The following IL18R1 variants were observed in gnomAD, a reference collection of about 807,000 sequenced individuals.
IL18R1 encodes interleukin 18 receptor 1, also known as interleukin-18 receptor 1.
In IL18R1, 40 loss-of-function variants were observed where a neutral mutation model predicts 48.5. That is an observed-to-expected ratio of 0.82 (90% CI 0.64 to 1.07). IL18R1 has a LOEUF of 1.07. Ranked by LOEUF, IL18R1 falls within the 50% of genes least tolerant of loss-of-function variation. The pLI is 0.00. For missense variants in IL18R1, 596 were observed against 633.7 expected, an observed-to-expected ratio of 0.94 and a Z score of 0.64; for synonymous variants, 232 against 225.9, an observed-to-expected ratio of 1.03 and a Z score of -0.24.
At position 102,387,015 on chromosome 2, in the gene IL18R1, T is replaced by A. The variant is rs754752327; in HGVS notation, c.949+15T>A. On this transcript the variant is annotated intron_variant, in intron 8 of 10. Transcript: ENST00000233957. ...GGTGAGAAAAGGTGAGAAAGATTTA[T>A]TTTTGGAAGTTTTGAAACTTAGCTC... The A allele has an allele frequency of 1.2e-6, 2 of 1,607,104 alleles. No homozygotes were observed. The highest frequency in any genetic ancestry group is 2.7e-5 in the African/African-American group (2 of 74,202).
intron 6 of IL18R1, among the ~76,000 whole-genome samples, chr2:102,382,239 T>C (rs1679962456): frequency 6.6e-6 from 1 of 151,992 alleles, no homozygotes; most frequent in South Asian, 2.1e-4. Context: ...ACCACTGCAC[T>C]CCAGCCTGGG....
Position 102,396,565 on chromosome 2 carries a change from A to G in IL18R1, c.1305A>G (p.Lys435=). ...VVDEIHSLIE[K]SRRLIIVLSK... ...ATGAAATCCACTCACTGATAGAGAA[A>G]AGCCGAAGACTAATCATTGTCCTAA... The change falls in exon 11 of 11, where the codon AAA becomes AAG. Residue 435 remains lysine (K), a synonymous_variant. Transcript: ENST00000233957. 1.2e-6 allele frequency: 2 copies of G among 1,606,710 alleles called. No homozygotes were observed. Among genetic ancestry groups the G allele is most frequent in the Non-Finnish European group, 1.7e-6 (2 of 1,177,210 alleles).
chr2:102,366,279 A>C (rs1678893975), intron 2 of IL18R1, among the ~76,000 whole-genome samples: 1 of 152,212 alleles, frequency 6.6e-6, no homozygotes, highest in South Asian at 2.1e-4. Flanking sequence ...TCTCTAGGAC[A>C]AGGGCAAAAT....
intron 1 of IL18R1, among the ~76,000 whole-genome samples, chr2:102,358,327 C>T (rs542368821): frequency 1.1e-4 from 16 of 152,198 alleles, no homozygotes; most frequent in Non-Finnish European, 1.6e-4. Context: ...TTTGGACCCT[C>T]TGGAAGGGCT....
intron 1 of IL18R1, among the ~76,000 whole-genome samples, chr2:102,362,396 G>A (rs1458720265): frequency 6.6e-6 from 1 of 152,180 alleles, no homozygotes; most frequent in Non-Finnish European, 1.5e-5. Flanking sequence ...AGACTCTGTT[G>A]TATCAGAGAA....
At chr2:102,358,166 A>G (rs1678362393) in intron 1 of IL18R1, among the ~76,000 whole-genome samples, 1 of 151,858 alleles carries the variant, frequency 6.6e-6, no homozygotes, top group African/African-American at 2.4e-5. Flanking sequence ...CACTTCCTCA[A>G]ATCTCAGGTT....
Position 102,397,041 on chromosome 2 carries a change from A to G in IL18R1, c.*155A>G. ...GAAACTTGTCATTAGGTTGGCGGGA[A>G]TGAGACTAAAGATTGCGCTGTGGGC... On this transcript the variant is annotated 3_prime_UTR_variant, in exon 11 of 11. Coordinates refer to ENST00000233957, the MANE Select transcript of IL18R1 (RefSeq NM_003855.5). 1 of 595,902 alleles carries G rather than the reference A, an allele frequency of 1.7e-6. No individual in the cohort carries two copies. The highest frequency in any genetic ancestry group is 2.9e-6 in the Non-Finnish European group (1 of 340,088). The allele number at this position is 595,902 out of a possible 1,614,324, so 36.9% of individuals were successfully genotyped here. A position where few individuals can be genotyped will look rare whatever the true frequency, so the allele number is the denominator to read the frequency against.
At chr2:102,394,243 CTG>C (rs1367681637) in intron 9 of IL18R1, among the ~76,000 whole-genome samples, 2 of 152,014 alleles carry the variant, frequency 1.3e-5, no homozygotes, top group Non-Finnish European at 2.9e-5. Flanking sequence ...TCATATATCT[CTG>C]TATTCTTCTG....
rs772155555 is a variant in IL18R1 at position 102,390,218 on chromosome 2, G to GTAACACATAT, written c.1111+2_1111+11dup. The GTAACACATAT allele has an allele frequency of 3.1e-6, 5 of 1,612,702 alleles. No individual in the cohort carries two copies. In the African/African-American group the frequency reaches 6.7e-5, roughly 22 times the overall value. Reference sequence around the variant, plus strand: ...ACGAGAAGAGATGAAACATTAACAGGTAACACATATAATGCTGGAATTTCT... The same window carrying GTAACACATAT: ...ACGAGAAGAGATGAAACATTAACAGGTAACACATATTAACACATATAATGCTGGAATTTCT... On this transcript the variant is annotated splice_donor_variant, in intron 9 of 10. Transcript: ENST00000233957. LOFTEE classifies it high-confidence loss of function.
At chr2:102,371,414 A>G (rs559749248) in intron 3 of IL18R1, among the ~76,000 whole-genome samples, 1 of 152,322 alleles carries the variant, frequency 6.6e-6, no homozygotes, top group East Asian at 1.9e-4. Context: ...AAGGCATTTA[A>G]AGAGCTAATT....
At position 102,394,087 on chromosome 2, in the gene IL18R1, T is replaced by C. The variant is rs182901735; in HGVS notation, c.1112-382T>C. 3.1e-3 allele frequency among the ~76,000 whole-genome samples: 479 copies of C among 152,268 alleles called. 2 individuals are homozygous for C. Among genetic ancestry groups the C allele is most frequent in the Non-Finnish European group, 5.2e-3 (354 of 68,014 alleles). On this transcript the variant is annotated intron_variant, in intron 9 of 10. Coordinates refer to ENST00000233957, the MANE Select transcript of IL18R1 (RefSeq NM_003855.5). Reference sequence around the variant, plus strand: ...ACCTTCTTGGGGGTCTTTCTGAGCATAGAAATTGTGATGGTGGTAGAATTA... The same window carrying C: ...ACCTTCTTGGGGGTCTTTCTGAGCACAGAAATTGTGATGGTGGTAGAATTA...
chr2:102,358,799 C>T (rs920524781), intron 1 of IL18R1, among the ~76,000 whole-genome samples: 11 of 152,076 alleles, frequency 7.2e-5, no homozygotes, highest in Admixed American at 3.3e-4. Flanking sequence ...AGATATCATG[C>T]GTTAAAAAGC....
chr2:102,391,255 G>A lies in IL18R1; in HGVS notation c.1111+1038G>A, dbSNP rs1009643600. ...TAGCCCCCCTTCCAGCCTGGTCCTG[G>A]ATCTATGATTCCCACCCCTCATTGA... On this transcript the variant is annotated intron_variant, in intron 9 of 10. Coordinates refer to ENST00000233957, the MANE Select transcript of IL18R1 (RefSeq NM_003855.5). 7.2e-5 allele frequency among the ~76,000 whole-genome samples: 11 copies of A among 152,194 alleles called. No individual in the cohort carries two copies. In the East Asian group the frequency reaches 1.9e-3, roughly 27 times the overall value.
In IL18R1 at chr2:102,390,128, T is replaced by C; in HGVS notation, c.1022T>C (p.Val341Ala). 6.2e-7 allele frequency: 1 copy of C among 1,613,750 alleles called. No individual in the cohort carries two copies. The highest frequency in any genetic ancestry group is 8.5e-7 in the Non-Finnish European group (1 of 1,179,748). ...MIIAVLILVAVVCLVTVCVIY... is the reference protein window; with the variant it reads ...MIIAVLILVAAVCLVTVCVIY... ...ATAGCTGTTTTGATCTTGGTGGCAG[T>C]AGTGTGCCTAGTGACTGTGTGTGTC... Residue 341 changes from valine (V) to alanine (A), a missense_variant, in exon 9 of 11, where the codon GTA (valine) becomes GCA (alanine). Val to Ala is a moderately conservative substitution (Grantham distance 64, BLOSUM62 0). Around this residue, in one of 3 missense-constraint regions of IL18R1, gnomAD observed 57 missense variants for 88.2 expected, o/e 0.65. Coordinates refer to ENST00000233957, the MANE Select transcript of IL18R1 (RefSeq NM_003855.5).
At chr2:102,393,125 C>G (rs553141677) in intron 9 of IL18R1, among the ~76,000 whole-genome samples, 5 of 152,178 alleles carry the variant, frequency 3.3e-5, no homozygotes, top group Admixed American at 6.5e-5. Context: ...AAATTATGCC[C>G]TTTAAAAAAG....
rs1400419112 is a variant in IL18R1 at position 102,397,004 on chromosome 2, C to A, written c.*118C>A. ...ATTAACTTTGTCAAAATCCTGCTCA[C>A]AATTTGAAGATGAAACTTGTCATTA... On this transcript the variant is annotated 3_prime_UTR_variant, in exon 11 of 11. Transcript: ENST00000233957. 7 of 658,016 alleles carry A rather than the reference C, an allele frequency of 1.1e-5. No individual in the cohort carries two copies. Among genetic ancestry groups the A allele is most frequent in the Non-Finnish European group, 1.5e-5 (6 of 390,906 alleles). The allele number at this position is 658,016 out of a possible 1,614,324, so 40.8% of individuals were successfully genotyped here. A position where few individuals can be genotyped will look rare whatever the true frequency, so the allele number is the denominator to read the frequency against.
At chr2:102,373,973 C>T (rs1448174192) in intron 4 of IL18R1, 2 of 447,286 alleles carry the variant, frequency 4.5e-6, no homozygotes, top group Non-Finnish European at 9.0e-6. Flanking sequence ...AAGCTCAGGG[C>T]TCCACTGATT....
At chr2:102,384,116 G>A (rs1314246796) in intron 6 of IL18R1, among the ~76,000 whole-genome samples, 1 of 152,168 alleles carries the variant, frequency 6.6e-6, no homozygotes, top group Non-Finnish European at 1.5e-5. Context: ...ACTCAGAATT[G>A]AGTTGGGGTG....
chr2:102,392,658 G>A (rs925150524), intron 9 of IL18R1, among the ~76,000 whole-genome samples: 5 of 152,082 alleles, frequency 3.3e-5, no homozygotes, highest in African/African-American at 1.2e-4. Context: ...GTTTCTGAAG[G>A]ATTGGAAATG....
Sources: allele counts gnomAD v4.1 joint callset (sites outside exome capture counted in the v4.1 genomes callset), GRCh38; gene constraint gnomAD v4.1.1; regional missense constraint gnomAD v4.1.1; transcripts MANE v1.5; gene names NCBI Gene and HGNC (gene_info 2026-07-23, HGNC 2026-07-21).